LOC400499: variants seen among roughly 807,000 people sequenced by gnomAD.
chr16:11,460,980 G>C, the LOC400499 span: 1 of 1,535,226 alleles, frequency 6.5e-7, no homozygotes, highest in Non-Finnish European at 8.7e-7. Flanking sequence ...GGCTGTACTG[G>C]ATCCTCAGGG....
At chr16:11,398,940 C>T in the LOC400499 span, among the ~76,000 whole-genome samples, 5 of 152,248 alleles carry the variant, frequency 3.3e-5, no homozygotes, top group South Asian at 2.1e-4. Flanking sequence ...CGCCATGCCC[C>T]GCTCGTGGCA....
At chr16:11,524,361 G>GCCCCC in the LOC400499 span, among the ~76,000 whole-genome samples, 1 of 93,728 alleles carries the variant, frequency 1.1e-5, no homozygotes, top group African/African-American at 6.4e-5. Context: ...CATCCACCCA[G>GCCCCC]CCACCCACCC....
At chr16:11,488,697 G>A in the LOC400499 span, 1 of 398,956 alleles carries the variant, frequency 2.5e-6, no homozygotes, top group East Asian at 3.6e-5. Context: ...GGGCTGCCCA[G>A]GATGGCCATA....
the LOC400499 span, among the ~76,000 whole-genome samples, chr16:11,454,028 C>G: frequency 6.6e-6 from 1 of 152,144 alleles, no homozygotes; most frequent in African/African-American, 2.4e-5. Flanking sequence ...GAACATAGAT[C>G]CATACCAAGG....
At chr16:11,449,023 C>T in the LOC400499 span, 53 of 1,520,150 alleles carry the variant, frequency 3.5e-5, no homozygotes, top group Non-Finnish European at 4.2e-5. Flanking sequence ...GCATGGATCT[C>T]GCCCTGCACT....
At chr16:11,486,483 T>C in the LOC400499 span, among the ~76,000 whole-genome samples, 3 of 129,730 alleles carry the variant, frequency 2.3e-5, no homozygotes, top group South Asian at 2.6e-4. Context: ...GGTGGGTAGA[T>C]GAATGAATGA....
the LOC400499 span, among the ~76,000 whole-genome samples, chr16:11,395,196 C>T: frequency 6.6e-6 from 1 of 152,188 alleles, no homozygotes; most frequent in African/African-American, 2.4e-5. Flanking sequence ...CCATGCCTGC[C>T]TCTGTGTAGC....
the LOC400499 span, among the ~76,000 whole-genome samples, chr16:11,406,047 C>A: frequency 6.6e-6 from 1 of 152,190 alleles, no homozygotes; most frequent in African/African-American, 2.4e-5. Flanking sequence ...TTGAGGGGGT[C>A]AGTGTGCATG....
the LOC400499 span, among the ~76,000 whole-genome samples, chr16:11,401,594 C>G: frequency 9.2e-5 from 14 of 152,360 alleles, no homozygotes; most frequent in Admixed American, 2.6e-4. Flanking sequence ...GAAATCCAGG[C>G]TTAGAGAGGA....
chr16:11,419,965 G>C, the LOC400499 span, among the ~76,000 whole-genome samples: 13 of 150,986 alleles, frequency 8.6e-5, no homozygotes, highest in African/African-American at 2.7e-4. Context: ...CGAGGATGTG[G>C]AGAAATAGGA....
At chr16:11,414,588 G>C in the LOC400499 span, 2 of 399,302 alleles carry the variant, frequency 5.0e-6, no homozygotes, top group Non-Finnish European at 4.4e-6. Flanking sequence ...GACTACATGA[G>C]AGGCCATGCC....
the LOC400499 span, among the ~76,000 whole-genome samples, chr16:11,442,896 C>A: frequency 6.6e-6 from 1 of 152,160 alleles, no homozygotes; most frequent in Non-Finnish European, 1.5e-5. Context: ...GCTCCAATAA[C>A]TGTACTACCT....
At chr16:11,377,181 C>CT in the LOC400499 span, among the ~76,000 whole-genome samples, 1 of 152,160 alleles carries the variant, frequency 6.6e-6, no homozygotes, top group African/African-American at 2.4e-5. Flanking sequence ...ATGCAACTGA[C>CT]TTTTGTATGT....
At chr16:11,442,734 T>C in the LOC400499 span, among the ~76,000 whole-genome samples, 7 of 152,186 alleles carry the variant, frequency 4.6e-5, no homozygotes, top group Admixed American at 2.0e-4. Context: ...AAAATTTAAA[T>C]GCTAAGCAGA....
At chr16:11,423,980 C>A in the LOC400499 span, 2,324 of 398,220 alleles carry the variant, frequency 5.8e-3, 81 homozygotes, top group East Asian at 0.077. Context: ...GAGCTGCTCG[C>A]CATCCAAGAT....
chr16:11,485,197 G>T, the LOC400499 span: 1 of 397,562 alleles, frequency 2.5e-6, no homozygotes, highest in Non-Finnish European at 4.4e-6. Context: ...AGGCTCCCTG[G>T]TGCCCACCTG....
chr16:11,389,248 C>G, the LOC400499 span, among the ~76,000 whole-genome samples: 3 of 152,242 alleles, frequency 2.0e-5, no homozygotes, highest in Non-Finnish European at 2.9e-5. Flanking sequence ...TCCACCCCCC[C>G]ATCTCACCGA....
the LOC400499 span, chr16:11,399,855 C>A: frequency 2.5e-6 from 1 of 398,590 alleles, no homozygotes; most frequent in Non-Finnish European, 4.4e-6. Context: ...GAAAGGGGGA[C>A]ATGTAGGGGA....
At chr16:11,478,664 G>A in the LOC400499 span, 28 of 399,168 alleles carry the variant, frequency 7.0e-5, no homozygotes, top group Admixed American at 1.1e-3. Context: ...AGAGCCTGCC[G>A]GGCCCCACGC....
Sources: gnomAD v4.1 joint callset for allele counts (sites outside exome capture counted in the v4.1 genomes callset) on GRCh38, gnomAD v4.1.1 for gene constraint, MANE v1.5 for transcripts.